The following SNTB1 variants were observed in gnomAD, a reference collection of about 807,000 sequenced individuals.
SNTB1 encodes the protein beta-1-syntrophin.
SNTB1 carries 36 observed loss-of-function variants against 48.9 expected under a neutral mutation model. That is an observed-to-expected ratio of 0.74 (90% confidence interval 0.56 to 0.97). The LOEUF (loss-of-function observed/expected upper bound fraction) is 0.97, where lower values mean the gene tolerates loss of function less well. SNTB1 is among the 50% of genes least tolerant of loss of function. The pLI is 0.00. For synonymous variants in SNTB1, 299 were observed against 294.6 expected (o/e 1.01, Z -0.15); for missense variants, 786 against 703.4 (o/e 1.12, Z -1.33).
intron 1 of SNTB1, among the ~76,000 whole-genome samples, chr8:120,714,927 A>T (rs1209506419): frequency 6.6e-6 from 1 of 152,218 alleles, no homozygotes; most frequent in Non-Finnish European, 1.5e-5. Flanking sequence ...TGAATGCTGA[A>T]AGGATCTGAA....
At chr8:120,700,079 G>A (rs1818279488) in intron 1 of SNTB1, among the ~76,000 whole-genome samples, 2 of 152,100 alleles carry the variant, frequency 1.3e-5, no homozygotes, top group Admixed American at 6.6e-5. Context: ...AGCATGAGGT[G>A]AATCCGGGTA....
intron 3 of SNTB1, among the ~76,000 whole-genome samples, chr8:120,618,297 A>T (rs1444880237): frequency 6.6e-6 from 1 of 152,194 alleles, no homozygotes; most frequent in Non-Finnish European, 1.5e-5. Context: ...ATATCTTTGT[A>T]TCTCCAGCTT....
chr8:120,661,609 C>T (rs902283200), intron 2 of SNTB1, among the ~76,000 whole-genome samples: 1 of 152,184 alleles, frequency 6.6e-6, no homozygotes, highest in Admixed American at 6.5e-5. Context: ...TTAAGCCCCA[C>T]GTGCATTAGG....
chr8:120,675,485 G>T (rs974493949), intron 2 of SNTB1, among the ~76,000 whole-genome samples: 3 of 152,182 alleles, frequency 2.0e-5, no homozygotes, highest in African/African-American at 7.2e-5. Context: ...TGTCAGAGTG[G>T]ATACATGCTC....
At chr8:120,686,355 G>A (rs1008311934) in intron 2 of SNTB1, among the ~76,000 whole-genome samples, 1 of 152,148 alleles carries the variant, frequency 6.6e-6, no homozygotes, top group African/African-American at 2.4e-5. Context: ...CTGGAGACTG[G>A]ACAGTCCAAG....
At chr8:120,761,810 T>TA (rs1819425328) in intron 1 of SNTB1, among the ~76,000 whole-genome samples, 2 of 152,210 alleles carry the variant, frequency 1.3e-5, no homozygotes, top group Non-Finnish European at 2.9e-5. Context: ...ATTGAATAGA[T>TA]ATAGGATACT....
At chr8:120,552,183 G>A (rs1042806087) in intron 4 of SNTB1, among the ~76,000 whole-genome samples, 2 of 152,182 alleles carry the variant, frequency 1.3e-5, no homozygotes, top group South Asian at 4.1e-4. Context: ...TAAAATTGAA[G>A]TAAATAATAA....
chr8:120,588,869 G>A (rs1816193164), intron 3 of SNTB1, among the ~76,000 whole-genome samples: 1 of 152,118 alleles, frequency 6.6e-6, no homozygotes, highest in Non-Finnish European at 1.5e-5. Context: ...AAGTGCTGTG[G>A]GTGTCTCCCA....
intron 1 of SNTB1, among the ~76,000 whole-genome samples, chr8:120,747,395 A>T (rs1404671769): frequency 6.6e-6 from 1 of 151,920 alleles, no homozygotes; most frequent in Non-Finnish European, 1.5e-5. Flanking sequence ...GGTTCAAGCG[A>T]CTCTCATACC....
chr8:120,565,404 G>C (rs1290393185), intron 4 of SNTB1, among the ~76,000 whole-genome samples: 1 of 152,196 alleles, frequency 6.6e-6, no homozygotes, highest in Non-Finnish European at 1.5e-5. Flanking sequence ...GAGGCAAAAA[G>C]AGATTACAAA....
chr8:120,599,867 G>A (rs1467163885), intron 3 of SNTB1, among the ~76,000 whole-genome samples: 2 of 152,266 alleles, frequency 1.3e-5, no homozygotes, highest in East Asian at 3.9e-4. Flanking sequence ...GGATGCTAGT[G>A]ACATGGATAG....
At chr8:120,677,307 C>T (rs4515598) in intron 2 of SNTB1, among the ~76,000 whole-genome samples, 85,180 of 152,088 alleles carry the variant, frequency 0.56, 26,984 homozygotes, top group African/African-American at 0.88. Context: ...TAAAGCCATA[C>T]ATGGCCTTGG....
intron 2 of SNTB1, among the ~76,000 whole-genome samples, chr8:120,690,163 A>G (rs1053550769): frequency 6.6e-6 from 1 of 151,854 alleles, no homozygotes; most frequent in Non-Finnish European, 1.5e-5. Context: ...GTTCCATTTT[A>G]TTAGTATTGT....
At chr8:120,729,128 G>A (rs1242705939) in intron 1 of SNTB1, among the ~76,000 whole-genome samples, 1 of 152,090 alleles carries the variant, frequency 6.6e-6, no homozygotes, top group East Asian at 1.9e-4. Context: ...TCAGACACAA[G>A]CCATTAGGCC....
intron 3 of SNTB1, among the ~76,000 whole-genome samples, chr8:120,607,018 C>T (rs1346296572): frequency 6.6e-6 from 1 of 151,948 alleles, no homozygotes; most frequent in African/African-American, 2.4e-5. Context: ...AAGACTGTAT[C>T]CCTGGAAAAG....
intron 1 of SNTB1, among the ~76,000 whole-genome samples, chr8:120,765,115 C>T (rs548613158): frequency 6.6e-6 from 1 of 152,244 alleles, no homozygotes; most frequent in East Asian, 1.9e-4. Flanking sequence ...GTCCCAGCTA[C>T]TCAGGAAACT....
chr8:120,682,945 T>G lies in SNTB1; in HGVS notation c.788+10747A>C, dbSNP rs368304117. ...CGCCCAGGCCAGACTGCAGTGGCGC[T>G]ATCTCGGCTCACTGCAACCTCCGCC... On this transcript the variant is annotated intron_variant, in intron 2 of 6. Transcript: ENST00000517992. Among the ~76,000 whole-genome samples, 11 of 148,022 alleles carry G rather than the reference T, an allele frequency of 7.4e-5. No homozygotes were observed. In the East Asian group the frequency reaches 2.0e-3, roughly 28 times the overall value.
At chr8:120,541,523 C>T (rs568866478) in intron 6 of SNTB1, among the ~76,000 whole-genome samples, 5 of 152,240 alleles carry the variant, frequency 3.3e-5, no homozygotes, top group East Asian at 1.9e-4. Context: ...CTGCAGGGTA[C>T]GTTTTTTAAG....
chr8:120,800,994 A>T (rs1191557641), intron 1 of SNTB1, among the ~76,000 whole-genome samples: 2 of 152,066 alleles, frequency 1.3e-5, no homozygotes, highest in Non-Finnish European at 2.9e-5. Context: ...TATACATTTT[A>T]ATACTCTAAG....
Sources: gnomAD v4.1 joint callset for allele counts (sites outside exome capture counted in the v4.1 genomes callset) on GRCh38, gnomAD v4.1.1 for gene constraint, MANE v1.5 for transcripts, NCBI Gene and HGNC (gene_info 2026-07-23, HGNC 2026-07-21) for gene names.